The following DLG2 variants were observed in gnomAD, a reference collection of about 807,000 sequenced individuals.
DLG2 encodes the protein disks large homolog 2.
A neutral mutation model predicts 132.5 loss-of-function variants in DLG2; 45 were observed. The ratio of observed to expected loss-of-function variants is 0.34; its 90% confidence interval spans 0.27 to 0.44. The LOEUF (loss-of-function observed/expected upper bound fraction) is 0.44, where lower values mean the gene tolerates loss of function less well. DLG2 is among the 20% of genes least tolerant of loss of function. The pLI is 1.00. For synonymous variants in DLG2, 424 were observed against 419.6 expected, an observed-to-expected ratio of 1.01 and a Z score of -0.13; for missense variants, 1,045 against 1,196.9, an observed-to-expected ratio of 0.87 and a Z score of 1.87.
intron 7 of DLG2, among the ~76,000 whole-genome samples, chr11:84,466,359 A>G (rs1334675193): frequency 1.3e-5 from 2 of 151,358 alleles, no homozygotes; most frequent in Non-Finnish European, 3.0e-5. Context: ...AAGATGAATA[A>G]CAAACTAAAA....
chr11:84,454,370 A>C (rs1022465459), intron 7 of DLG2, among the ~76,000 whole-genome samples: 2 of 151,524 alleles, frequency 1.3e-5, no homozygotes, highest in Non-Finnish European at 3.0e-5. Context: ...CAAAAATGTA[A>C]ATGTAGAATA....
intron 6 of DLG2, among the ~76,000 whole-genome samples, chr11:85,048,926 T>A (rs187234755): frequency 6.6e-6 from 1 of 152,090 alleles, no homozygotes; most frequent in African/African-American, 2.4e-5. Flanking sequence ...TTGCCTAAAG[T>A]TCTTCCCTTT....
At position 84,252,702 on chromosome 11, in the gene DLG2, G is replaced by C. The variant is rs112080647; in HGVS notation, c.520-1411C>G. 5.0e-3 allele frequency among the ~76,000 whole-genome samples: 756 copies of C among 152,238 alleles called. 8 individuals are homozygous for C. The highest frequency in any genetic ancestry group is 0.016 in the African/African-American group (679 of 41,532). On this transcript the variant is annotated intron_variant, in intron 7 of 27. Transcript: ENST00000376104. ...TCTAACTTCATGAATATTGAGTAGA[G>C]CTATCTTTACTTTTTAGTTTCTAGA...
intron 15 of DLG2, among the ~76,000 whole-genome samples, chr11:83,919,672 T>C (rs992531740): frequency 1.3e-5 from 2 of 152,194 alleles, no homozygotes; most frequent in African/African-American, 4.8e-5. Flanking sequence ...AACCTTATAA[T>C]ATGAATTTAA....
chr11:83,687,498 G>T (rs2080020708), intron 18 of DLG2, among the ~76,000 whole-genome samples: 1 of 152,104 alleles, frequency 6.6e-6, no homozygotes, highest in Non-Finnish European at 1.5e-5. Context: ...ATTTTTCATT[G>T]AGCTAAAATG....
intron 7 of DLG2, among the ~76,000 whole-genome samples, chr11:84,330,361 T>G (rs1420106049): frequency 6.6e-6 from 1 of 152,210 alleles, no homozygotes; most frequent in East Asian, 1.9e-4. Flanking sequence ...TACAGTATAT[T>G]GACTACTTAC....
At chr11:85,386,947 T>G (rs1385622206) in intron 3 of DLG2, among the ~76,000 whole-genome samples, 2 of 150,408 alleles carry the variant, frequency 1.3e-5, no homozygotes, top group Non-Finnish European at 3.0e-5. Flanking sequence ...TAGGCTGGAG[T>G]GCAATGGTGT....
intron 3 of DLG2, among the ~76,000 whole-genome samples, chr11:85,474,952 G>A (rs1370117664): frequency 6.6e-6 from 1 of 150,516 alleles, no homozygotes. Flanking sequence ...TTAAAAGGCA[G>A]AAAAATATAA....
At chr11:83,987,009 T>C (rs1283647809) in intron 11 of DLG2, among the ~76,000 whole-genome samples, 2 of 152,124 alleles carry the variant, frequency 1.3e-5, no homozygotes, top group Non-Finnish European at 2.9e-5. Context: ...ATTTTGTAGG[T>C]TGCCTGTTCA....
At chr11:84,663,223 T>C (rs1196922442) in intron 6 of DLG2, among the ~76,000 whole-genome samples, 1 of 144,852 alleles carries the variant, frequency 6.9e-6, no homozygotes. Context: ...ATTATGCCTT[T>C]ACAGGTTATA....
chr11:85,251,204 T>C (rs1595709639), intron 4 of DLG2, among the ~76,000 whole-genome samples: 1 of 152,168 alleles, frequency 6.6e-6, no homozygotes. Flanking sequence ...GCAGAAAAAA[T>C]AAGGTCTCAC....
intron 6 of DLG2, chr11:84,800,577 CAAG>C (rs2153956485): frequency 6.6e-6 from 1 of 152,184 alleles, no homozygotes; most frequent in Admixed American, 6.5e-5. Flanking sequence ...AAATAACTGA[CAAG>C]AAGAAGGCCA....
intron 7 of DLG2, among the ~76,000 whole-genome samples, chr11:84,434,222 CTG>C (rs1411231052): frequency 2.0e-5 from 3 of 151,514 alleles, no homozygotes; most frequent in South Asian, 2.1e-4. Flanking sequence ...TGAAAGAAAA[CTG>C]TTTATTCAAT....
chr11:84,369,222 G>C (rs1425810498), intron 7 of DLG2, among the ~76,000 whole-genome samples: 1 of 151,750 alleles, frequency 6.6e-6, no homozygotes, highest in East Asian at 1.9e-4. Flanking sequence ...AAAAAAAATA[G>C]AGAGCTCCAG....
At chr11:84,317,451 C>T in intron 7 of DLG2, 1 of 945,432 alleles carries the variant, frequency 1.1e-6, no homozygotes, top group Non-Finnish European at 1.3e-6. Context: ...CAAGACTGTA[C>T]ACTGTGTTAC....
intron 3 of DLG2, among the ~76,000 whole-genome samples, chr11:85,380,873 A>G (rs925139126): frequency 1.1e-4 from 16 of 152,216 alleles, no homozygotes; most frequent in African/African-American, 3.9e-4. Context: ...CCAGTTGTCC[A>G]ATCAGAGAAG....
chr11:84,914,909 C>T (rs2092356819), intron 6 of DLG2, among the ~76,000 whole-genome samples: 1 of 152,122 alleles, frequency 6.6e-6, no homozygotes, highest in South Asian at 2.1e-4. Context: ...ACTAAACAAA[C>T]ATTAGTTATT....
chr11:85,320,735 A>G (rs886566673), intron 3 of DLG2, among the ~76,000 whole-genome samples: 1 of 151,812 alleles, frequency 6.6e-6, no homozygotes, highest in Non-Finnish European at 1.5e-5. Context: ...GGGATAAAGT[A>G]CTGTAGGAAA....
intron 3 of DLG2, among the ~76,000 whole-genome samples, chr11:85,421,759 T>C (rs1034694013): frequency 6.6e-6 from 1 of 152,130 alleles, no homozygotes; most frequent in African/African-American, 2.4e-5. Flanking sequence ...TTTTCTTGAA[T>C]TGTACTTTTG....
Sources: allele counts gnomAD v4.1 joint callset (sites outside exome capture counted in the v4.1 genomes callset), GRCh38; gene constraint gnomAD v4.1.1; transcripts MANE v1.5; gene names NCBI Gene and HGNC (gene_info 2026-07-23, HGNC 2026-07-21).